The following TENM3 variants were observed in gnomAD, a reference collection of about 807,000 sequenced individuals.
TENM3 encodes teneurin transmembrane protein 3.
TENM3 carries 63 observed loss-of-function variants against 255.1 expected under a neutral mutation model. That is an observed-to-expected ratio of 0.25 (90% CI 0.20 to 0.30). TENM3 has a LOEUF of 0.30. TENM3 is among the 10% of genes least tolerant of loss of function. TENM3 has a pLI of 1.00. For synonymous variants in TENM3, 1,306 were observed against 1,322.3 expected (o/e 0.99, Z 0.27); for missense variants, 2,929 against 3,461.1 (o/e 0.85, Z 3.86).
chr4:181,929,778 G>T, the TENM3 span, among the ~76,000 whole-genome samples: 1 of 152,064 alleles, frequency 6.6e-6, no homozygotes, highest in Non-Finnish European at 1.5e-5. Context: ...CACATAATAG[G>T]AGGTAAAACA....
chr4:182,322,115 T>C (rs1327953066), intron 1 of TENM3, among the ~76,000 whole-genome samples: 1 of 152,150 alleles, frequency 6.6e-6, no homozygotes. Flanking sequence ...TATGAGAAAT[T>C]CAGTTTCTCT....
At chr4:182,272,025 C>G (rs1759666948) in intron 1 of TENM3, among the ~76,000 whole-genome samples, 1 of 152,174 alleles carries the variant, frequency 6.6e-6, no homozygotes, top group African/African-American at 2.4e-5. Context: ...CTCCACACAG[C>G]TCTCAACAGA....
At chr4:182,768,674 T>C (rs565298203) in intron 22 of TENM3, among the ~76,000 whole-genome samples, 2 of 152,292 alleles carry the variant, frequency 1.3e-5, no homozygotes, top group Admixed American at 6.5e-5. Flanking sequence ...CATTTGTCGA[T>C]AATCCCACTA....
At chr4:182,318,773 T>C (rs1209408857) in intron 1 of TENM3, among the ~76,000 whole-genome samples, 12 of 152,184 alleles carry the variant, frequency 7.9e-5, no homozygotes, top group Non-Finnish European at 2.9e-5. Context: ...GTTTTTTATC[T>C]GTTTTGTTTT....
At chr4:181,510,109 C>T in the TENM3 span, among the ~76,000 whole-genome samples, 1 of 152,154 alleles carries the variant, frequency 6.6e-6, no homozygotes, top group South Asian at 2.1e-4. Context: ...GGTGTGTGTA[C>T]AATGCTTATT....
At chr4:181,985,174 T>G in the TENM3 span, among the ~76,000 whole-genome samples, 7 of 151,588 alleles carry the variant, frequency 4.6e-5, no homozygotes, top group Non-Finnish European at 7.4e-5. Context: ...AGAAAAAGAA[T>G]GTATATAATT....
chr4:182,708,766 C>G (rs1424611741), intron 12 of TENM3, among the ~76,000 whole-genome samples: 1 of 150,366 alleles, frequency 6.7e-6, no homozygotes, highest in Admixed American at 6.6e-5. Flanking sequence ...CCACTGTACT[C>G]CAGCCTGGGC....
At chr4:182,092,491 T>A in the TENM3 span, among the ~76,000 whole-genome samples, 1 of 151,932 alleles carries the variant, frequency 6.6e-6, no homozygotes, top group African/African-American at 2.4e-5. Flanking sequence ...TTGCAAAAAA[T>A]TTAAAAGTTA....
the TENM3 span, among the ~76,000 whole-genome samples, chr4:181,862,710 T>G: frequency 6.6e-6 from 1 of 152,212 alleles, no homozygotes; most frequent in African/African-American, 2.4e-5. Context: ...TACTTCATTA[T>G]ATTATATATG....
At chr4:182,157,660 T>C (rs1330808667) in intron 1 of TENM3, among the ~76,000 whole-genome samples, 1 of 152,158 alleles carries the variant, frequency 6.6e-6, no homozygotes, top group Non-Finnish European at 1.5e-5. Context: ...CTGTGATTCA[T>C]GTTAAATAGA....
intron 1 of TENM3, among the ~76,000 whole-genome samples, chr4:182,161,826 CACAT>C (rs1751310009): frequency 7.7e-5 from 1 of 13,022 alleles, no homozygotes; most frequent in African/African-American, 2.1e-4. Flanking sequence ...TATATATATA[CACAT>C]ATATATGTGT....
intron 1 of TENM3, among the ~76,000 whole-genome samples, chr4:182,321,406 A>G (rs1232923771): frequency 6.6e-6 from 1 of 152,124 alleles, no homozygotes; most frequent in Non-Finnish European, 1.5e-5. Context: ...CAGGTGGATC[A>G]CCTGAGGTCA....
chr4:182,062,462 T>G, the TENM3 span, among the ~76,000 whole-genome samples: 12 of 152,254 alleles, frequency 7.9e-5, no homozygotes, highest in Non-Finnish European at 1.5e-4. Flanking sequence ...AAGATTATCT[T>G]GTTTATTTTT....
intron 1 of TENM3, among the ~76,000 whole-genome samples, chr4:182,298,900 C>A (rs1221807547): frequency 2.1e-5 from 3 of 142,248 alleles, no homozygotes; most frequent in African/African-American, 7.8e-5. Flanking sequence ...TTGAACCTCG[C>A]TTGAACCCAG....
intron 3 of TENM3, among the ~76,000 whole-genome samples, chr4:182,571,848 A>G (rs1744407887): frequency 6.6e-6 from 1 of 152,232 alleles, no homozygotes; most frequent in African/African-American, 2.4e-5. Flanking sequence ...GTTGTGAAAC[A>G]AAAACCAAAG....
the TENM3 span, among the ~76,000 whole-genome samples, chr4:181,685,902 C>T: frequency 3.9e-5 from 6 of 152,094 alleles, no homozygotes; most frequent in African/African-American, 4.8e-5. Flanking sequence ...CTAGGGAACA[C>T]GTTTAATTGT....
chr4:181,939,659 A>G, the TENM3 span, among the ~76,000 whole-genome samples: 1 of 152,196 alleles, frequency 6.6e-6, no homozygotes, highest in South Asian at 2.1e-4. Context: ...CAGCTGAACT[A>G]AGGGGAAGAA....
At chr4:181,452,256 T>C in the TENM3 span, among the ~76,000 whole-genome samples, 1 of 152,168 alleles carries the variant, frequency 6.6e-6, no homozygotes, top group Non-Finnish European at 1.5e-5. Context: ...GGCTGTGAAA[T>C]TGAAGAGATA....
At chr4:181,610,547 T>C in the TENM3 span, among the ~76,000 whole-genome samples, 2 of 152,154 alleles carry the variant, frequency 1.3e-5, no homozygotes, top group African/African-American at 4.8e-5. Flanking sequence ...AAAAGGAAGA[T>C]ATTTATCCCA....
Sources: allele counts gnomAD v4.1 joint callset (sites outside exome capture counted in the v4.1 genomes callset), GRCh38; gene constraint gnomAD v4.1.1; transcripts MANE v1.5; gene names NCBI Gene and HGNC (gene_info 2026-07-23, HGNC 2026-07-21).